The following ST3GAL2 variants were observed in gnomAD, a reference collection of about 807,000 sequenced individuals.
The protein encoded by ST3GAL2 is CMP-N-acetylneuraminate-beta-galactosamide-alpha-2,3-sialyltransferase 2.
Under a neutral mutation model 37.5 loss-of-function variants are expected in ST3GAL2, and 16 were observed. That is an observed-to-expected ratio of 0.43 (90% confidence interval 0.29 to 0.65). The LOEUF is 0.65. ST3GAL2 is among the 30% of genes least tolerant of loss of function. ST3GAL2 has a pLI of 0.17. For synonymous variants in ST3GAL2, 238 were observed against 202.9 expected (o/e 1.17, Z -1.47); for missense variants, 383 against 487.8 (o/e 0.79, Z 2.02).
At chr16:70,426,040 A>T (rs975343089) in intron 1 of ST3GAL2, among the ~76,000 whole-genome samples, 3 of 152,296 alleles carry the variant, frequency 2.0e-5, no homozygotes, top group Admixed American at 2.0e-4. Context: ...GGAGGGTGCC[A>T]TGCCTTTTGC....
intron 2 of ST3GAL2, among the ~76,000 whole-genome samples, chr16:70,395,972 C>CTTT (rs11353666): frequency 7.1e-6 from 1 of 141,676 alleles, no homozygotes; most frequent in Non-Finnish European, 1.6e-5. Flanking sequence ...ATGAAATACT[C>CTTT]TTTTTTTTTT....
rs576626197 is a variant in ST3GAL2 at position 70,392,440 on chromosome 16, C to T, written c.533+2542G>A. On this transcript the variant is annotated intron_variant, in intron 3 of 6. Transcript: ENST00000342907. ...CTAAAGAAGTATTCAGGGACAGGGG[C>T]GCAAGTGGGGTGTGTGCCCCCTGGT... Among the ~76,000 whole-genome samples the T allele has an allele frequency of 2.0e-4, 30 of 152,332 alleles. 1 individual carries two copies. The Middle Eastern group carries it at 0.014, about 70-fold the overall frequency.
chr16:70,430,551 A>T (rs1322352384), intron 1 of ST3GAL2, among the ~76,000 whole-genome samples: 1 of 152,054 alleles, frequency 6.6e-6, no homozygotes, highest in Non-Finnish European at 1.5e-5. Flanking sequence ...CCTGAATGGG[A>T]TCCCCATTCC....
chr16:70,433,132 T>C (rs571427467), intron 1 of ST3GAL2, among the ~76,000 whole-genome samples: 1 of 152,188 alleles, frequency 6.6e-6, no homozygotes, highest in East Asian at 1.9e-4. Flanking sequence ...CCAGCTCTCA[T>C]CACCAGGCAC....
intron 1 of ST3GAL2, among the ~76,000 whole-genome samples, chr16:70,436,848 T>C (rs1304458289): frequency 2.6e-5 from 4 of 152,212 alleles, no homozygotes; most frequent in African/African-American, 4.8e-5. Flanking sequence ...AGTATACAAA[T>C]ATGGCCAAAA....
rs148465027 is a variant in ST3GAL2, at chr16:70,410,548, C to T, written c.-1003-11015G>A. 1.1e-4 allele frequency among the ~76,000 whole-genome samples: 16 copies of T among 151,916 alleles called. No homozygotes were observed. The East Asian group carries it at 2.9e-3, about 28-fold the overall frequency. The stretch of plus-strand genomic sequence containing the variant: ...GATTACAGGCGAGAGCCAACACGCC[C>T]GGCCAACCCTCACCACTTTTTTTCC... On this transcript the variant is annotated intron_variant, in intron 1 of 6. Coordinates refer to ENST00000342907, the MANE Select transcript of ST3GAL2 (RefSeq NM_006927.4).
rs1339849626 is a variant in ST3GAL2, at chr16:70,435,369, G to A, written c.-1004+3580C>T. ...CCAGCACTTTCGGAGGCTCCAGCGG[G>A]CGGATCACCTGAGGTCAGGAGTTTG... is the stretch of plus-strand genomic sequence containing the variant. On this transcript the variant is annotated intron_variant, in intron 1 of 6. Transcript: ENST00000342907. Among the ~76,000 whole-genome samples the A allele has an allele frequency of 3.3e-5, 5 of 152,168 alleles. No homozygotes were observed. The East Asian group carries it at 9.6e-4, about 29-fold the overall frequency.
Position 70,377,145 on chromosome 16 carries a change from G to A in ST3GAL2, c.*4544C>T, listed in dbSNP as rs2047354067. ...AGTTTTTGAGGCTGCAGTGAGCTCT[G>A]CACCAGTCTGGGCGACAGGAGACCC... On this transcript the variant is annotated 3_prime_UTR_variant, in exon 7 of 7. Transcript: ENST00000342907. 2 of 141,836 alleles carry A rather than the reference G, an allele frequency of 1.4e-5. No individual in the cohort carries two copies. The highest frequency in any genetic ancestry group is 2.7e-5 in the African/African-American group (1 of 36,766). 8.8% of individuals were successfully genotyped at this position (141,836 alleles called of 1,614,324 possible). A position where few individuals can be genotyped will look rare whatever the true frequency, so the allele number is the denominator to read the frequency against.
chr16:70,390,225 TCAC>T (rs2047473792), intron 3 of ST3GAL2, among the ~76,000 whole-genome samples: 1 of 152,150 alleles, frequency 6.6e-6, no homozygotes, highest in South Asian at 2.1e-4. Flanking sequence ...CAGGTCTGCA[TCAC>T]CACGCCTGTT....
intron 1 of ST3GAL2, among the ~76,000 whole-genome samples, chr16:70,438,611 G>A (rs2047843563): frequency 6.6e-6 from 1 of 150,702 alleles, no homozygotes; most frequent in Non-Finnish European, 1.5e-5. Flanking sequence ...CTAGGGAGTG[G>A]ACTGGAAGTC....
intron 3 of ST3GAL2, among the ~76,000 whole-genome samples, chr16:70,393,551 C>T (rs2047495807): frequency 6.6e-6 from 1 of 152,218 alleles, no homozygotes; most frequent in Admixed American, 6.5e-5. Context: ...GAGCATTGTC[C>T]TGGGCTTCCC....
chr16:70,409,589 C>T lies in ST3GAL2; in HGVS notation c.-1003-10056G>A, dbSNP rs2047621841. The stretch of plus-strand genomic sequence containing the variant: ...AACTCCCAGCCTCAGGTGTTCCGCC[C>T]ACCTCCGCCTCCCAAAGTGTTGGGA... On this transcript the variant is annotated intron_variant, in intron 1 of 6. Coordinates refer to ENST00000342907, the MANE Select transcript of ST3GAL2 (RefSeq NM_006927.4). Among the ~76,000 whole-genome samples, 3 of 152,100 alleles carry T rather than the reference C, an allele frequency of 2.0e-5. No individual in the cohort carries two copies. The South Asian group carries it at 6.2e-4, about 32-fold the overall frequency.
intron 4 of ST3GAL2, 55 bp from the exon 5 acceptor site, chr16:70,383,290 C>T: frequency 6.5e-7 from 1 of 1,541,390 alleles, no homozygotes; most frequent in South Asian, 1.2e-5. Context: ...GTGGCTCACA[C>T]CTGTAATCCC....
At chr16:70,438,299 C>T (rs1469310240) in intron 1 of ST3GAL2, among the ~76,000 whole-genome samples, 2 of 152,124 alleles carry the variant, frequency 1.3e-5, no homozygotes, top group Non-Finnish European at 2.9e-5. Context: ...TAAGAAATGA[C>T]TTCCATTCCA....
intron 1 of ST3GAL2, chr16:70,400,652 T>C (rs942332741): frequency 1.3e-5 from 2 of 152,240 alleles, no homozygotes; most frequent in East Asian, 3.8e-4. Context: ...GTAAGGACAT[T>C]ATTCTGGGTG....
At chr16:70,382,208 C>T (rs2047411277) in intron 6 of ST3GAL2, among the ~76,000 whole-genome samples, 1 of 152,086 alleles carries the variant, frequency 6.6e-6, no homozygotes. Context: ...CGAAGTAGGC[C>T]TGGGGCTCAG....
intron 1 of ST3GAL2, among the ~76,000 whole-genome samples, chr16:70,408,785 T>C (rs1390931854): frequency 1.3e-5 from 2 of 149,522 alleles, no homozygotes; most frequent in East Asian, 2.0e-4. Context: ...GAGCATAACT[T>C]TGGCTTTCAA....
intron 1 of ST3GAL2, among the ~76,000 whole-genome samples, chr16:70,423,855 G>C (rs567819858): frequency 1.3e-5 from 2 of 151,444 alleles, no homozygotes; most frequent in East Asian, 2.0e-4. Flanking sequence ...CAGATCACGA[G>C]GTCAGGAGAC....
intron 1 of ST3GAL2, among the ~76,000 whole-genome samples, chr16:70,431,983 A>C (rs996733930): frequency 1.5e-5 from 2 of 132,830 alleles, no homozygotes; most frequent in Non-Finnish European, 3.0e-5. Flanking sequence ...ATATATATAT[A>C]TATTTTTTTT....
Sources: gnomAD v4.1 joint callset for allele counts (sites outside exome capture counted in the v4.1 genomes callset) on GRCh38, gnomAD v4.1.1 for gene constraint, MANE v1.5 for transcripts, NCBI Gene and HGNC (gene_info 2026-07-23, HGNC 2026-07-21) for gene names.